The following LBP variants were observed in gnomAD, a reference collection of about 807,000 sequenced individuals.
LBP encodes the protein lipopolysaccharide-binding protein.
In LBP, 53 loss-of-function variants were observed where a neutral mutation model predicts 56.6. The observed-to-expected ratio is 0.94, with a 90% CI of 0.75 to 1.18. LBP has a LOEUF of 1.18. Among genes scored for constraint, LBP ranks in the 50% most tolerant of loss-of-function variants. The pLI, the probability that LBP is intolerant of heterozygous loss-of-function variation, is 0.00. For missense variants in LBP, 601 were observed against 598.3 expected (o/e 1.00, Z -0.05); for synonymous variants, 227 against 247.5 (o/e 0.92, Z 0.78).
At chr20:38,355,205 A>G (rs2076834381) in intron 4 of LBP, 141 bp from the exon 5 acceptor site, 1 of 712,542 alleles carries the variant, frequency 1.4e-6, no homozygotes, top group Non-Finnish European at 2.5e-6. Flanking sequence ...ATCAGGCTGG[A>G]TGTGCTGGGA....
At chr20:38,354,975 CA>C (rs1416368190) in intron 4 of LBP, among the ~76,000 whole-genome samples, 7 of 152,174 alleles carry the variant, frequency 4.6e-5, no homozygotes, top group Admixed American at 3.9e-4. Context: ...TCAGCTACTT[CA>C]GGGGCTGAGT....
intron 1 of LBP, among the ~76,000 whole-genome samples, chr20:38,348,610 T>C (rs1294104031): frequency 6.6e-6 from 1 of 151,930 alleles, no homozygotes; most frequent in Non-Finnish European, 1.5e-5. Context: ...TTTCCATATT[T>C]TTAATAATAT....
intron 1 of LBP, 31 bp from the exon 2 acceptor site, chr20:38,349,517 A>T (rs746964181): frequency 3.9e-6 from 6 of 1,525,696 alleles, no homozygotes; most frequent in Non-Finnish European, 5.4e-6. Context: ...CAGGCAGATC[A>T]AGCTGACTCC....
chr20:38,354,469 G>T (rs1600723438), intron 4 of LBP, 30 bp downstream of exon 4: 1 of 1,587,044 alleles, frequency 6.3e-7, no homozygotes, highest in East Asian at 2.3e-5. Flanking sequence ...CTGCCAGCTG[G>T]ACTCCTGGTT....
intron 1 of LBP, 73 bp from the exon 2 acceptor site, chr20:38,349,475 A>T: frequency 8.9e-7 from 1 of 1,117,442 alleles, no homozygotes; most frequent in Non-Finnish European, 1.3e-6. Flanking sequence ...GACAGGTGGG[A>T]GCCACCGTAG....
At chr20:38,354,154 T>C (rs1428704875) in intron 3 of LBP, 130 bp from the exon 4 acceptor site, 2 of 725,436 alleles carry the variant, frequency 2.8e-6, no homozygotes, top group East Asian at 5.6e-5. Flanking sequence ...TTTATGGCTT[T>C]ATTTGTTATT....
At chr20:38,355,314 A>G in intron 4 of LBP, 32 bp from the exon 5 acceptor site, 5 of 1,610,520 alleles carry the variant, frequency 3.1e-6, no homozygotes, top group Non-Finnish European at 4.2e-6. Context: ...GCCATCCCCA[A>G]GTTCAGTGGC....
intron 14 of LBP, among the ~76,000 whole-genome samples, chr20:38,375,353 C>G (rs1255956127): frequency 6.6e-6 from 1 of 151,608 alleles, no homozygotes; most frequent in African/African-American, 2.4e-5. Context: ...GAGGCCAAGG[C>G]GGGCAGATCA....
intron 3 of LBP, 41 bp from the exon 4 acceptor site, chr20:38,354,243 C>G: frequency 6.4e-7 from 1 of 1,571,712 alleles, no homozygotes; most frequent in Non-Finnish European, 8.7e-7. Flanking sequence ...TGGCAGACCC[C>G]TGGTCTAGGA....
chr20:38,370,680 C>T, intron 10 of LBP, 58 bp from the exon 11 acceptor site: 1 of 1,463,078 alleles, frequency 6.8e-7, no homozygotes, highest in East Asian at 2.3e-5. Flanking sequence ...CGTCATCATC[C>T]TTCCTATACA....
chr20:38,373,280 G>C, intron 13 of LBP, 145 bp downstream of exon 13: 1 of 691,070 alleles, frequency 1.4e-6, no homozygotes, highest in Non-Finnish European at 2.5e-6. Flanking sequence ...ACCTGCCTGT[G>C]ACATGGGATC....
At chr20:38,353,294 G>GA (rs1319312662) in intron 3 of LBP, among the ~76,000 whole-genome samples, 1 of 152,000 alleles carries the variant, frequency 6.6e-6, no homozygotes, top group East Asian at 1.9e-4. Flanking sequence ...CATCCCAAGA[G>GA]AAAATTCCTT....
At chr20:38,370,684 C>T in intron 10 of LBP, 54 bp from the exon 11 acceptor site, 4 of 1,480,286 alleles carry the variant, frequency 2.7e-6, no homozygotes, top group Middle Eastern at 1.7e-4. Context: ...ATCATCCTTC[C>T]TATACATACA....
At chr20:38,364,873 C>A in intron 8 of LBP, 121 bp downstream of exon 8, 1 of 919,566 alleles carries the variant, frequency 1.1e-6, no homozygotes, top group Non-Finnish European at 1.6e-6. Context: ...GAAAAATCAA[C>A]ACCAAGAAAA....
Position 38,346,597 on chromosome 20 carries a change from C to T in LBP, c.81C>T (p.Asn27=), listed in dbSNP as rs755656021. ...LTSTPEALGA[N]PGLVARITDK... ...CCACCCCAGAGGCTCTGGGTGCCAA[C>T]CCCGGCTTGGTCGCCAGGATCACCG... Residue 27 remains asparagine, a synonymous_variant, in exon 1 of 15, where the codon AAC becomes AAT. Coordinates refer to ENST00000217407, the MANE Select transcript of LBP (RefSeq NM_004139.5). 14 of 1,613,626 alleles carry T rather than the reference C, an allele frequency of 8.7e-6. No individual in the cohort carries two copies. The Admixed American group carries it at 1.0e-4, about 12-fold the overall frequency.
intron 8 of LBP, among the ~76,000 whole-genome samples, chr20:38,365,365 C>G (rs2076876893): frequency 6.6e-6 from 1 of 151,644 alleles, no homozygotes; most frequent in African/African-American, 2.4e-5. Flanking sequence ...CATATTTTCT[C>G]TCATCCTGAT....
chr20:38,373,450 A>T lies in LBP; in HGVS notation c.1324+315A>T, dbSNP rs140231834. Among the ~76,000 whole-genome samples, 660 of 152,302 alleles carry T rather than the reference A, an allele frequency of 4.3e-3. 4 individuals carry two copies. The highest frequency in any genetic ancestry group is 0.015 in the African/African-American group (630 of 41,560). The stretch of plus-strand genomic sequence containing the variant: ...GTCAAAGACTGAGGACCAAGTTAAT[A>T]TAGAAGGCACAAGGCAGCCGCCTCT... On this transcript the variant is annotated intron_variant, in intron 13 of 14. Transcript: ENST00000217407.
In LBP at chr20:38,370,794, G is replaced by A; in HGVS notation, c.1206G>A (p.Leu402=). Residue 402 remains leucine (L), a synonymous_variant, in exon 11 of 15, where the codon CTG becomes CTA. Transcript: ENST00000217407. The part of the protein sequence containing the change: ...TFNTSKITGF[L]KPGKVKVELK... ...ATACCAGCAAGATCACTGGGTTCCT[G>A]AAGCCAGGAAAGTAAGTTGGCCTCC... 6.2e-7 allele frequency: 1 copy of A among 1,613,970 alleles called. No homozygotes were observed. The highest frequency in any genetic ancestry group is 8.5e-7 in the Non-Finnish European group (1 of 1,179,954).
At chr20:38,371,482 C>G (rs1174300431) in intron 12 of LBP, among the ~76,000 whole-genome samples, 160 bp downstream of exon 12, 1 of 152,078 alleles carries the variant, frequency 6.6e-6, no homozygotes, top group Admixed American at 6.6e-5. Context: ...GACATAGGGC[C>G]AAGGAACAGT....
Sources: gnomAD v4.1 joint callset for allele counts (sites outside exome capture counted in the v4.1 genomes callset) on GRCh38, gnomAD v4.1.1 for gene constraint, MANE v1.5 for transcripts, NCBI Gene and HGNC (gene_info 2026-07-23, HGNC 2026-07-21) for gene names.